GALNT16: variants seen among roughly 807,000 people sequenced by gnomAD.
GALNT16 encodes polypeptide N-acetylgalactosaminyltransferase 16, also known as UDP-GalNAc:polypeptide N-acetylgalactosaminyltransferase-like protein 1.
GALNT16 carries 40 observed loss-of-function variants against 76.1 expected under a neutral mutation model. The observed-to-expected ratio is 0.53, with a 90% CI of 0.41 to 0.68. GALNT16 has a LOEUF of 0.68. Ranked by LOEUF, GALNT16 falls within the 30% of genes least tolerant of loss-of-function variation. The pLI, the probability that GALNT16 is intolerant of heterozygous loss-of-function variation, is 0.00. For synonymous variants in GALNT16, 276 were observed against 285.2 expected (o/e 0.97, Z 0.32); for missense variants, 621 against 731.9 (o/e 0.85, Z 1.75).
intron 14 of GALNT16, chr14:69,349,016 C>T (rs926222491): frequency 6.6e-6 from 1 of 152,348 alleles, no homozygotes; most frequent in Non-Finnish European, 1.5e-5. Context: ...ACCCCTTTTT[C>T]TTTGCTTGGG....
chr14:69,309,101 G>A (rs1204113107), intron 1 of GALNT16, among the ~76,000 whole-genome samples: 2 of 151,842 alleles, frequency 1.3e-5, no homozygotes, highest in East Asian at 1.9e-4. Context: ...TTTATTAATG[G>A]CCATTTGCAT....
chr14:69,373,422 T>C, the GALNT16 span, among the ~76,000 whole-genome samples: 6 of 152,224 alleles, frequency 3.9e-5, no homozygotes, highest in African/African-American at 9.6e-5. Flanking sequence ...AGCCTCTTCA[T>C]AGTCTCTTGA....
At chr14:69,375,173 G>A in the GALNT16 span, among the ~76,000 whole-genome samples, 39 of 152,244 alleles carry the variant, frequency 2.6e-4, no homozygotes, top group African/African-American at 8.7e-4. Context: ...AATATTCCTT[G>A]TTATGAAGTC....
At chr14:69,385,058 A>G in the GALNT16 span, among the ~76,000 whole-genome samples, 2 of 152,176 alleles carry the variant, frequency 1.3e-5, no homozygotes, top group African/African-American at 2.4e-5. Context: ...ACCTACAATG[A>G]ACTGATCTAC....
intron 1 of GALNT16, among the ~76,000 whole-genome samples, chr14:69,319,232 C>T (rs2045143932): frequency 6.6e-6 from 1 of 152,222 alleles, no homozygotes; most frequent in African/African-American, 2.4e-5. Flanking sequence ...AGAGTGGCAG[C>T]AGTTCAGGAG....
intron 1 of GALNT16, among the ~76,000 whole-genome samples, chr14:69,311,217 A>C (rs2045015613): frequency 6.6e-6 from 1 of 152,204 alleles, no homozygotes; most frequent in Non-Finnish European, 1.5e-5. Context: ...CTCTGTTTCC[A>C]AGATGGTACC....
At chr14:69,268,081 C>T (rs914726660) in intron 1 of GALNT16, among the ~76,000 whole-genome samples, 4 of 152,160 alleles carry the variant, frequency 2.6e-5, no homozygotes, top group African/African-American at 4.8e-5. Flanking sequence ...GATGGAGCTA[C>T]GCTGCTCCCT....
chr14:69,341,792 C>T (rs1361376961), intron 12 of GALNT16, 28 bp downstream of exon 12: 11 of 1,548,008 alleles, frequency 7.1e-6, no homozygotes, highest in South Asian at 1.1e-5. Flanking sequence ...CTTGTGCATC[C>T]CCCAGGCGGG....
the GALNT16 span, among the ~76,000 whole-genome samples, chr14:69,366,932 C>T: frequency 6.6e-6 from 1 of 152,176 alleles, no homozygotes. Context: ...TCAGAACATG[C>T]TGGGGTGGAG....
chr14:69,320,685 C>T, intron 1 of GALNT16, 26 bp from the exon 2 acceptor site: 2 of 1,605,026 alleles, frequency 1.2e-6, no homozygotes, highest in Non-Finnish European at 1.7e-6. Flanking sequence ...GCCTGTGGTC[C>T]TCTCTGATGC....
chr14:69,378,022 TCTG>T, the GALNT16 span, among the ~76,000 whole-genome samples: 2 of 152,144 alleles, frequency 1.3e-5, no homozygotes, highest in Admixed American at 1.3e-4. Flanking sequence ...CCCAGCCTGG[TCTG>T]CTTTTAGGAC....
chr14:69,347,018 T>C (rs766745068), intron 12 of GALNT16, 22 bp from the exon 13 acceptor site: 24 of 1,613,972 alleles, frequency 1.5e-5, no homozygotes, highest in Non-Finnish European at 1.9e-5. Context: ...AGCACAAGCC[T>C]GACTGCTGCC....
intron 9 of GALNT16, among the ~76,000 whole-genome samples, chr14:69,336,938 G>A (rs892318361): frequency 1.3e-5 from 2 of 152,068 alleles, no homozygotes; most frequent in African/African-American, 4.8e-5. Flanking sequence ...TGTGGCCCAG[G>A]CTGGTCTCGA....
At chr14:69,330,543 G>A (rs1456119740) in intron 6 of GALNT16, among the ~76,000 whole-genome samples, 2 of 152,220 alleles carry the variant, frequency 1.3e-5, no homozygotes, top group African/African-American at 4.8e-5. Flanking sequence ...TAAAAAGGAT[G>A]AGGTGAGGCC....
chr14:69,329,113 T>C (rs2045322160), intron 6 of GALNT16, among the ~76,000 whole-genome samples: 1 of 152,122 alleles, frequency 6.6e-6, no homozygotes, highest in Admixed American at 6.5e-5. Context: ...ATCCCAGCAC[T>C]TTGGGAGGCC....
At chr14:69,275,435 T>C (rs112653109) in intron 1 of GALNT16, among the ~76,000 whole-genome samples, 4,166 of 152,320 alleles carry the variant, frequency 0.027, 70 homozygotes, top group Non-Finnish European at 0.038. Context: ...AAGAACTGCA[T>C]TGCAGAATTG....
chr14:69,297,997 G>C (rs749185041), intron 1 of GALNT16, among the ~76,000 whole-genome samples: 10 of 152,236 alleles, frequency 6.6e-5, no homozygotes, highest in Non-Finnish European at 1.3e-4. Context: ...GAGGCTCAGA[G>C]AGGTTAAGTA....
At chr14:69,296,148 TCACA>T (rs572498608) in intron 1 of GALNT16, among the ~76,000 whole-genome samples, 1 of 152,130 alleles carries the variant, frequency 6.6e-6, no homozygotes, top group Non-Finnish European at 1.5e-5. Flanking sequence ...GTGAGCCACT[TCACA>T]TGGCCAGTGT....
chr14:69,342,475 AG>A (rs2045501973), intron 12 of GALNT16, among the ~76,000 whole-genome samples: 1 of 5,738 alleles, frequency 1.7e-4, no homozygotes, highest in African/African-American at 7.5e-4. Flanking sequence ...GAAGGAAGGA[AG>A]GGAGGGAGGG....
Sources: gnomAD v4.1 joint callset for allele counts (sites outside exome capture counted in the v4.1 genomes callset) on GRCh38, gnomAD v4.1.1 for gene constraint, MANE v1.5 for transcripts, NCBI Gene and HGNC (gene_info 2026-07-23, HGNC 2026-07-21) for gene names.